Variants in CD200R1 observed in about 807,000 individuals in gnomAD.
CD200R1 encodes cell surface glycoprotein CD200 receptor 1.
Under a neutral mutation model 38.1 loss-of-function variants are expected in CD200R1, and 30 were observed. The ratio of observed to expected loss-of-function variants is 0.79; its 90% CI spans 0.59 to 1.07. The LOEUF (loss-of-function observed/expected upper bound fraction) is 1.07. CD200R1 is among the 50% of genes least tolerant of loss of function. The probability of loss-of-function intolerance (pLI) is 0.00; values close to 1 mark genes in which losing one functional copy is unlikely to be tolerated. For missense variants in CD200R1, 372 were observed against 415.4 expected (o/e 0.90, Z 0.91); for synonymous variants, 128 against 152.1 (o/e 0.84, Z 1.16).
At chr3:112,966,153 T>G (rs2107345242) in intron 1 of CD200R1, among the ~76,000 whole-genome samples, 1 of 152,104 alleles carries the variant, frequency 6.6e-6, no homozygotes. Context: ...AATCAGGAGG[T>G]GAGCAGCTGT....
chr3:112,924,576 C>T, intron 6 of CD200R1, 41 bp from the exon 7 acceptor site: 1 of 1,083,854 alleles, frequency 9.2e-7, no homozygotes, highest in South Asian at 3.0e-5. Context: ...GAGGAAACAT[C>T]ATTGTTTAGA....
At chr3:112,973,821 A>C (rs182887321) in intron 1 of CD200R1, among the ~76,000 whole-genome samples, 1 of 152,274 alleles carries the variant, frequency 6.6e-6, no homozygotes, top group Non-Finnish European at 1.5e-5. Flanking sequence ...GTGAAACCTG[A>C]AAACTCCCTC....
At chr3:112,927,963 A>G (rs1940320182) in intron 5 of CD200R1, among the ~76,000 whole-genome samples, 1 of 152,212 alleles carries the variant, frequency 6.6e-6, no homozygotes, top group African/African-American at 2.4e-5. Context: ...CAGTACTTAA[A>G]TATTCAAATT....
At chr3:112,970,432 A>T (rs1034837031) in intron 1 of CD200R1, among the ~76,000 whole-genome samples, 14 of 152,172 alleles carry the variant, frequency 9.2e-5, no homozygotes, top group Non-Finnish European at 1.5e-5. Flanking sequence ...ATTATTATTT[A>T]AAAAGTAATG....
At chr3:112,965,928 T>C (rs1196733996) in intron 1 of CD200R1, among the ~76,000 whole-genome samples, 1 of 151,204 alleles carries the variant, frequency 6.6e-6, no homozygotes, top group Non-Finnish European at 1.5e-5. Context: ...AAGAGATTGA[T>C]ATTTCATCTC....
chr3:112,936,364 T>C (rs547719881), intron 2 of CD200R1, among the ~76,000 whole-genome samples: 5 of 152,312 alleles, frequency 3.3e-5, no homozygotes, highest in African/African-American at 1.2e-4. Context: ...CTCTATGTCT[T>C]TGATGAATCA....
rs768764137 is a variant in CD200R1, at chr3:112,922,324, T to G, written c.*1353A>C. The G allele has an allele frequency of 2.6e-5, 4 of 152,016 alleles. No individual in the cohort carries two copies. The highest frequency in any genetic ancestry group is 5.9e-5 in the Non-Finnish European group (4 of 67,940). 9.4% of individuals were successfully genotyped at this position (152,016 alleles called of 1,614,324 possible). ...GAGCAAATAGACTTATGTTTTTAAT[T>G]AAAAATAATTTCATGATATTAACAA... On this transcript the variant is annotated 3_prime_UTR_variant, in exon 8 of 8. Coordinates refer to ENST00000308611, the MANE Select transcript of CD200R1 (RefSeq NM_138806.4).
At chr3:112,966,185 T>C (rs1933156185) in intron 1 of CD200R1, among the ~76,000 whole-genome samples, 1 of 152,164 alleles carries the variant, frequency 6.6e-6, no homozygotes, top group Admixed American at 6.5e-5. Flanking sequence ...ATGAGGATAG[T>C]TGGGGTGATG....
intron 2 of CD200R1, among the ~76,000 whole-genome samples, chr3:112,939,481 A>T (rs1276539731): frequency 6.6e-6 from 1 of 151,892 alleles, no homozygotes; most frequent in Non-Finnish European, 1.5e-5. Flanking sequence ...CTATACACAA[A>T]CAACAAACCA....
In CD200R1 at chr3:112,922,348, A is replaced by C. The variant is rs1940186345; in HGVS notation, c.*1329T>G. 6.6e-6 allele frequency: 1 copy of C among 152,020 alleles called. No homozygotes were observed. Among genetic ancestry groups the C allele is most frequent in the Non-Finnish European group, 1.5e-5 (1 of 67,958 alleles). 9.4% of individuals were successfully genotyped at this position (152,020 alleles called of 1,614,324 possible). ...TTAAAAATAATTTCATGATATTAACAATGATTTACATAAACATTGCCAATA... is the reference window on the plus strand; with the variant it reads ...TTAAAAATAATTTCATGATATTAACCATGATTTACATAAACATTGCCAATA... On this transcript the variant is annotated 3_prime_UTR_variant, in exon 8 of 8. Transcript: ENST00000308611.
intron 1 of CD200R1, among the ~76,000 whole-genome samples, chr3:112,972,490 T>G (rs1933333907): frequency 6.6e-6 from 1 of 152,136 alleles, no homozygotes; most frequent in Non-Finnish European, 1.5e-5. Context: ...TAATTTTAAT[T>G]GGAACACCAA....
At position 112,929,349 on chromosome 3, in the gene CD200R1, T is replaced by C; in HGVS notation, c.361A>G (p.Thr121Ala). 1 of 1,614,132 alleles carries C rather than the reference T, an allele frequency of 6.2e-7. No individual in the cohort carries two copies. Among genetic ancestry groups the C allele is most frequent in the East Asian group, 2.2e-5 (1 of 44,888 alleles). Residue 121 changes from threonine (T) to alanine (A), a missense_variant, in exon 4 of 8, where the codon ACC (threonine) becomes GCC (alanine). By Grantham distance (58) the Thr-to-Ala change is moderately conservative. Coordinates refer to ENST00000308611, the MANE Select transcript of CD200R1 (RefSeq NM_138806.4). ...GTTATTCTCTCATCAGTACAGTTGG[T>C]TTCCTTGGTCTCATTTGTTTCTTTC... ...YKKETNETKETNCTDERITWV... is the reference protein window; with the variant it reads ...YKKETNETKEANCTDERITWV...
chr3:112,935,730 A>C (rs570169133), intron 2 of CD200R1, among the ~76,000 whole-genome samples: 1 of 152,230 alleles, frequency 6.6e-6, no homozygotes, highest in Non-Finnish European at 1.5e-5. Flanking sequence ...ATCAGAGCAG[A>C]ACTCAATGAA....
chr3:112,933,491 T>C (rs965414156), intron 2 of CD200R1, among the ~76,000 whole-genome samples: 2 of 152,132 alleles, frequency 1.3e-5, no homozygotes, highest in African/African-American at 4.8e-5. Context: ...ATAAGCTTTT[T>C]CTTAAGAAGC....
At chr3:112,928,012 C>G (rs1205097479) in intron 5 of CD200R1, among the ~76,000 whole-genome samples, 1 of 152,036 alleles carries the variant, frequency 6.6e-6, no homozygotes, top group Non-Finnish European at 1.5e-5. Flanking sequence ...ATTGCATTAC[C>G]TCAACTAAAG....
intron 2 of CD200R1, among the ~76,000 whole-genome samples, chr3:112,937,181 G>A (rs1940604188): frequency 6.6e-6 from 1 of 152,086 alleles, no homozygotes; most frequent in Admixed American, 6.6e-5. Context: ...ATGGAGAAGT[G>A]CCAAGCAAAA....
chr3:112,960,855 A>G (rs1932999447), intron 1 of CD200R1, among the ~76,000 whole-genome samples: 1 of 117,580 alleles, frequency 8.5e-6, no homozygotes, highest in East Asian at 2.6e-4. Flanking sequence ...ATTTTATGTT[A>G]ATATAAAAGA....
intron 1 of CD200R1, among the ~76,000 whole-genome samples, chr3:112,959,378 C>T (rs879708993): frequency 1.5e-4 from 23 of 152,022 alleles, no homozygotes; most frequent in East Asian, 5.8e-4. Context: ...TGTGGACTAA[C>T]GAATGTGGCT....
At chr3:112,938,728 C>A (rs1185807410) in intron 2 of CD200R1, among the ~76,000 whole-genome samples, 4 of 151,828 alleles carry the variant, frequency 2.6e-5, no homozygotes, top group African/African-American at 9.7e-5. Context: ...CAAACTATTC[C>A]AAAAAATTGA....
Sources: gnomAD v4.1 joint callset for allele counts (sites outside exome capture counted in the v4.1 genomes callset) on GRCh38, gnomAD v4.1.1 for gene constraint, MANE v1.5 for transcripts, NCBI Gene and HGNC (gene_info 2026-07-23, HGNC 2026-07-21) for gene names.